Variants in MTHFD1L observed in about 807,000 individuals in gnomAD.
MTHFD1L encodes the protein methylenetetrahydrofolate dehydrogenase (NADP+ dependent) 1 like, also known as monofunctional C1-tetrahydrofolate synthase, mitochondrial.
MTHFD1L carries 81 observed loss-of-function variants against 119.5 expected under a neutral mutation model. The ratio of observed to expected loss-of-function variants is 0.68; its 90% CI spans 0.57 to 0.82. MTHFD1L has a LOEUF of 0.82. Ranked by LOEUF, MTHFD1L falls within the 40% of genes least tolerant of loss-of-function variation. The pLI, the probability that MTHFD1L is intolerant of heterozygous loss-of-function variation, is 0.00. For missense variants in MTHFD1L, 1,125 were observed against 1,253.4 expected (o/e 0.90, Z 1.55); for synonymous variants, 430 against 475.2 (o/e 0.90, Z 1.24).
intron 1 of MTHFD1L, chr6:150,866,716 C>G (rs1562275881): frequency 5.4e-6 from 6 of 1,104,226 alleles, no homozygotes; most frequent in Non-Finnish European, 6.6e-6. Flanking sequence ...CGCGCAGCGC[C>G]CACGGAGTCC....
chr6:150,950,773 G>A (rs576348123), intron 16 of MTHFD1L, among the ~76,000 whole-genome samples: 1 of 152,206 alleles, frequency 6.6e-6, no homozygotes, highest in Admixed American at 6.5e-5. Context: ...TGGCTCAGTC[G>A]ATTCTCTTGC....
intron 25 of MTHFD1L, among the ~76,000 whole-genome samples, chr6:151,036,147 G>T (rs145949166): frequency 1.3e-5 from 2 of 152,292 alleles, no homozygotes; most frequent in African/African-American, 4.8e-5. Flanking sequence ...ACCGGGCACG[G>T]TGCTCACACC....
chr6:151,054,252 G>A (rs375088147), intron 26 of MTHFD1L, among the ~76,000 whole-genome samples: 7 of 152,236 alleles, frequency 4.6e-5, no homozygotes, highest in East Asian at 3.9e-4. Flanking sequence ...ACAACATCAC[G>A]AAAAAGAACA....
intron 1 of MTHFD1L, among the ~76,000 whole-genome samples, chr6:150,869,180 C>CT (rs1198884978): frequency 6.6e-6 from 1 of 152,072 alleles, no homozygotes; most frequent in East Asian, 1.9e-4. Flanking sequence ...TTCTATTTTA[C>CT]TTTAAGTTCT....
chr6:150,898,099 C>T (rs1341961521), intron 7 of MTHFD1L, among the ~76,000 whole-genome samples: 6 of 152,200 alleles, frequency 3.9e-5, no homozygotes, highest in Admixed American at 3.3e-4. Context: ...CCACCTCGGC[C>T]TCCCAAAGTG....
intron 21 of MTHFD1L, among the ~76,000 whole-genome samples, chr6:151,012,256 T>C (rs1782393418): frequency 6.6e-6 from 1 of 152,094 alleles, no homozygotes; most frequent in South Asian, 2.1e-4. Context: ...TTTTCAATAA[T>C]GGCAAGATAA....
intron 20 of MTHFD1L, among the ~76,000 whole-genome samples, chr6:150,990,189 G>C (rs952111897): frequency 2.6e-5 from 4 of 151,756 alleles, no homozygotes; most frequent in African/African-American, 9.7e-5. Context: ...TGAGGCAGGA[G>C]AATCGCTTGA....
intron 20 of MTHFD1L, among the ~76,000 whole-genome samples, chr6:150,993,019 GTT>G (rs1779261965): frequency 6.6e-6 from 1 of 152,158 alleles, no homozygotes; most frequent in Non-Finnish European, 1.5e-5. Flanking sequence ...ATGTTTGAGT[GTT>G]TATGCAAACA....
chr6:151,068,519 G>A lies in MTHFD1L; in HGVS notation c.2848-23948G>A, dbSNP rs541470308. Among the ~76,000 whole-genome samples the A allele has an allele frequency of 4.6e-5, 7 of 152,216 alleles. 1 individual carries two copies. In the South Asian group the frequency reaches 1.2e-3, roughly 27 times the overall value. On this transcript the variant is annotated intron_variant, in intron 26 of 27. Transcript: ENST00000367321. ...AACCGAGGGTTCAATTACAACATCC[G>A]TATGCTTTCCAGCCCACTCTCTGAC...
intron 7 of MTHFD1L, among the ~76,000 whole-genome samples, chr6:150,891,359 A>G (rs1783237438): frequency 6.6e-6 from 1 of 150,880 alleles, no homozygotes; most frequent in Non-Finnish European, 1.5e-5. Flanking sequence ...ATACAACACC[A>G]TTTATATGTG....
chr6:150,866,368 C>T (rs996873758), intron 1 of MTHFD1L: 1 of 1,409,442 alleles, frequency 7.1e-7, no homozygotes, highest in Admixed American at 3.2e-5. Context: ...GATGCAATCG[C>T]GCCGGGCGCG....
chr6:150,877,717 A>T (rs776242525), intron 3 of MTHFD1L, 33 bp downstream of exon 3: 26 of 1,614,088 alleles, frequency 1.6e-5, no homozygotes, highest in Non-Finnish European at 2.2e-5. Flanking sequence ...AATTCACTAT[A>T]ACTTTTAACA....
At chr6:150,901,820 A>G (rs968045687) in intron 7 of MTHFD1L, among the ~76,000 whole-genome samples, 2 of 152,232 alleles carry the variant, frequency 1.3e-5, no homozygotes, top group African/African-American at 4.8e-5. Context: ...ATCATTTTGA[A>G]CATTGTTTTC....
rs761049884 is a variant in MTHFD1L at position 150,865,788 on chromosome 6, G to C, written c.-35G>C. 13 of 1,285,498 alleles carry C rather than the reference G, an allele frequency of 1.0e-5. No individual in the cohort carries two copies. The highest frequency in any genetic ancestry group is 1.3e-5 in the Non-Finnish European group (13 of 1,010,152). 79.6% of individuals were successfully genotyped at this position (1,285,498 alleles called of 1,614,324 possible). On this transcript the variant is annotated 5_prime_UTR_variant, in exon 1 of 28. Transcript: ENST00000367321. ...CGCCCCGCCGCCCTCGGCAGCCGCA[G>C]CTCCGTGTCCCCTGAGAACCAGCCG...
chr6:150,889,798 A>G (rs1782923420), intron 7 of MTHFD1L, among the ~76,000 whole-genome samples: 1 of 152,216 alleles, frequency 6.6e-6, no homozygotes, highest in African/African-American at 2.4e-5. Context: ...AATTTGAAAT[A>G]GGCATTTCGG....
intron 20 of MTHFD1L, among the ~76,000 whole-genome samples, chr6:150,986,257 T>G (rs1778288504): frequency 1.3e-5 from 2 of 152,228 alleles, no homozygotes; most frequent in Non-Finnish European, 2.9e-5. Flanking sequence ...ATAAATATGT[T>G]TGCTTTACAA....
intron 24 of MTHFD1L, among the ~76,000 whole-genome samples, chr6:151,028,329 C>G (rs898627037): frequency 6.6e-6 from 1 of 152,122 alleles, no homozygotes; most frequent in African/African-American, 2.4e-5. Flanking sequence ...TGTTGCCTTA[C>G]GCCCAAAAGC....
At chr6:151,037,506 T>C (rs1162578548) in intron 26 of MTHFD1L, among the ~76,000 whole-genome samples, 11 of 152,126 alleles carry the variant, frequency 7.2e-5, no homozygotes, top group Non-Finnish European at 4.4e-5. Context: ...CCAGACAGGA[T>C]CTGCCCAGTC....
chr6:150,964,758 AC>A (rs1796952523), intron 18 of MTHFD1L, among the ~76,000 whole-genome samples: 1 of 152,210 alleles, frequency 6.6e-6, no homozygotes. Flanking sequence ...AAATGCTATT[AC>A]CCCATCACCA....
Sources: allele counts gnomAD v4.1 joint callset (sites outside exome capture counted in the v4.1 genomes callset), GRCh38; gene constraint gnomAD v4.1.1; transcripts MANE v1.5; gene names NCBI Gene and HGNC (gene_info 2026-07-23, HGNC 2026-07-21).